The following NSMCE2 variants were observed in gnomAD, a reference collection of about 807,000 sequenced individuals.
NSMCE2 encodes the protein NSE2 SUMO ligase component of SMC5/6 complex.
Under a neutral mutation model 23.8 loss-of-function variants are expected in NSMCE2, and 24 were observed. The observed-to-expected ratio is 1.01, with a 90% CI of 0.73 to 1.42. The LOEUF is 1.42. Ranked by LOEUF, NSMCE2 falls within the 40% of genes most tolerant of loss-of-function variation. The probability of loss-of-function intolerance (pLI) is 0.00; values close to 1 mark genes in which losing one functional copy is unlikely to be tolerated. For missense variants in NSMCE2, 284 were observed against 296.5 expected (o/e 0.96, Z 0.31); for synonymous variants, 92 against 94.1 (o/e 0.98, Z 0.13).
intron 5 of NSMCE2, 81 bp from the exon 6 acceptor site, chr8:125,357,138 T>A: frequency 1.1e-6 from 1 of 905,676 alleles, no homozygotes; most frequent in Non-Finnish European, 1.8e-6. Context: ...CCCCAGAAAC[T>A]CTTCACCTCC....
chr8:125,272,003 G>C (rs952001534), intron 5 of NSMCE2, among the ~76,000 whole-genome samples: 2 of 145,380 alleles, frequency 1.4e-5, no homozygotes, highest in Non-Finnish European at 1.5e-5. Context: ...TATTGAATCT[G>C]CAGTTTCTTT....
intron 4 of NSMCE2, among the ~76,000 whole-genome samples, chr8:125,164,562 G>C (rs1326230954): frequency 6.6e-6 from 1 of 152,122 alleles, no homozygotes; most frequent in Non-Finnish European, 1.5e-5. Context: ...GCGTGTGTTA[G>C]AGAGGGATTC....
intron 5 of NSMCE2, among the ~76,000 whole-genome samples, chr8:125,230,590 G>A (rs1825285393): frequency 1.3e-5 from 2 of 152,154 alleles, no homozygotes; most frequent in African/African-American, 4.8e-5. Context: ...ACACTGTTCA[G>A]TATCTTCAGT....
intron 3 of NSMCE2, among the ~76,000 whole-genome samples, chr8:125,123,597 C>G (rs943214831): frequency 2.0e-5 from 3 of 152,226 alleles, no homozygotes; most frequent in African/African-American, 7.2e-5. Context: ...TACATGCGCA[C>G]ACGCACACAA....
intron 3 of NSMCE2, among the ~76,000 whole-genome samples, chr8:125,137,600 T>C (rs938424265): frequency 2.0e-5 from 3 of 152,216 alleles, no homozygotes; most frequent in African/African-American, 7.2e-5. Context: ...GTGGTTTCTC[T>C]GGCACAGTAG....
intron 5 of NSMCE2, among the ~76,000 whole-genome samples, chr8:125,194,923 A>G (rs1429568745): frequency 2.0e-5 from 3 of 152,104 alleles, no homozygotes; most frequent in East Asian, 1.9e-4. Context: ...GTCTATTAGC[A>G]TATCTTCTAC....
chr8:125,177,778 G>A (rs931762581), intron 4 of NSMCE2, among the ~76,000 whole-genome samples: 19 of 152,280 alleles, frequency 1.2e-4, no homozygotes, highest in African/African-American at 4.1e-4. Context: ...TTCTTCTGTA[G>A]CATTCCTCAC....
chr8:125,190,662 T>G (rs2130825912), intron 5 of NSMCE2, among the ~76,000 whole-genome samples: 1 of 152,316 alleles, frequency 6.6e-6, no homozygotes, highest in Middle Eastern at 3.4e-3. Context: ...TCCTTTATAT[T>G]GTATAGTAAA....
chr8:125,234,403 G>T (rs545653425), intron 5 of NSMCE2, among the ~76,000 whole-genome samples: 4 of 152,118 alleles, frequency 2.6e-5, no homozygotes, highest in African/African-American at 7.2e-5. Context: ...AACTAGGCAG[G>T]CTTTTTCAAA....
intron 5 of NSMCE2, among the ~76,000 whole-genome samples, chr8:125,240,742 T>C (rs1825736834): frequency 6.6e-6 from 1 of 152,176 alleles, no homozygotes; most frequent in Non-Finnish European, 1.5e-5. Flanking sequence ...TGTAATGCAC[T>C]TAGCATATTC....
intron 5 of NSMCE2, among the ~76,000 whole-genome samples, chr8:125,301,912 C>G (rs974107810): frequency 6.6e-6 from 1 of 152,120 alleles, no homozygotes; most frequent in Admixed American, 6.6e-5. Flanking sequence ...GATCCACCAG[C>G]CTTAGCCTTC....
intron 5 of NSMCE2, among the ~76,000 whole-genome samples, chr8:125,230,423 A>G (rs1825277067): frequency 1.3e-5 from 2 of 152,202 alleles, no homozygotes; most frequent in South Asian, 4.1e-4. Flanking sequence ...AATTAAGAAT[A>G]TGATTTTTTA....
chr8:125,151,379 T>C, intron 4 of NSMCE2, 102 bp downstream of exon 4: 1 of 602,530 alleles, frequency 1.7e-6, no homozygotes, highest in Non-Finnish European at 3.0e-6. Context: ...AATGTTTCCT[T>C]ATCCTTAATG....
At chr8:125,168,735 C>T (rs1586554711) in intron 4 of NSMCE2, among the ~76,000 whole-genome samples, 1 of 152,200 alleles carries the variant, frequency 6.6e-6, no homozygotes, top group South Asian at 2.1e-4. Context: ...AGGATTTCAT[C>T]ATATGAATTT....
intron 5 of NSMCE2, among the ~76,000 whole-genome samples, chr8:125,287,680 G>A (rs961183738): frequency 1.2e-4 from 18 of 152,258 alleles, no homozygotes; most frequent in South Asian, 4.2e-4. Flanking sequence ...AGATTGTCCC[G>A]TGTCTAGCTA....
At chr8:125,358,797 TGG>T (rs1813398493) in intron 7 of NSMCE2, among the ~76,000 whole-genome samples, 1 of 152,214 alleles carries the variant, frequency 6.6e-6, no homozygotes, top group Non-Finnish European at 1.5e-5. Context: ...ACTCCTCATC[TGG>T]GTGTGGACTT....
intron 4 of NSMCE2, among the ~76,000 whole-genome samples, chr8:125,175,099 A>G (rs1319106909): frequency 2.6e-5 from 4 of 152,162 alleles, no homozygotes; most frequent in African/African-American, 9.6e-5. Flanking sequence ...CAGCTTGGGC[A>G]TGCCTTTTAA....
At chr8:125,201,292 C>G (rs1171871781) in intron 5 of NSMCE2, among the ~76,000 whole-genome samples, 1 of 152,202 alleles carries the variant, frequency 6.6e-6, no homozygotes, top group Non-Finnish European at 1.5e-5. Context: ...TCTGGTTTCT[C>G]CCCATCTTTT....
chr8:125,336,130 A>G (rs1395093633), intron 5 of NSMCE2, among the ~76,000 whole-genome samples: 1 of 152,194 alleles, frequency 6.6e-6, no homozygotes, highest in Non-Finnish European at 1.5e-5. Context: ...GGCTTTGAAG[A>G]TAGGAAGGAC....
Sources: allele counts gnomAD v4.1 joint callset (sites outside exome capture counted in the v4.1 genomes callset), GRCh38; gene constraint gnomAD v4.1.1; transcripts MANE v1.5; gene names NCBI Gene and HGNC (gene_info 2026-07-23, HGNC 2026-07-21).